Variants in SLC25A27 observed in about 807,000 individuals in gnomAD.
SLC25A27 encodes solute carrier family 25 member 27.
Under a neutral mutation model 49.1 loss-of-function variants are expected in SLC25A27, and 35 were observed. The ratio of observed to expected loss-of-function variants is 0.71; its 90% CI spans 0.54 to 0.95. The LOEUF is 0.95. SLC25A27 is among the 40% of genes least tolerant of loss of function. The pLI is 0.00. For synonymous variants in SLC25A27, 144 were observed against 136.9 expected, an observed-to-expected ratio of 1.05 and a Z score of -0.36; for missense variants, 339 against 397.1, an observed-to-expected ratio of 0.85 and a Z score of 1.24.
intron 8 of SLC25A27, 49 bp from the exon 9 acceptor site, chr6:46,676,334 T>A: frequency 6.4e-7 from 1 of 1,560,840 alleles, no homozygotes; most frequent in Non-Finnish European, 8.8e-7. Flanking sequence ...ATGTAGACTA[T>A]TTATAATTGC....
intron 5 of SLC25A27, 87 bp downstream of exon 5, chr6:46,664,973 T>A: frequency 1.7e-6 from 1 of 581,746 alleles, no homozygotes; most frequent in Non-Finnish European, 2.9e-6. Context: ...AATTTATGTT[T>A]TATTTTTAAT....
chr6:46,671,276 ACTTT>A, intron 8 of SLC25A27, 48 bp downstream of exon 8: 3 of 1,103,806 alleles, frequency 2.7e-6, no homozygotes, highest in Non-Finnish European at 3.9e-6. Context: ...TACTTAAATT[ACTTT>A]TAATTTATAA....
At chr6:46,661,733 G>C (rs753232344) in intron 3 of SLC25A27, among the ~76,000 whole-genome samples, 2 of 152,186 alleles carry the variant, frequency 1.3e-5, no homozygotes, top group Non-Finnish European at 2.9e-5. Context: ...CTGACAGAGA[G>C]AATGACAGCA....
Position 46,676,405 on chromosome 6 carries a change from G to A in SLC25A27, c.923G>A (p.Trp308Ter). Residue 308 changes from tryptophan to a stop codon, truncating the protein, a stop_gained, in exon 9 of 9, where the codon TGG (tryptophan) becomes TAG (stop). Transcript: ENST00000371347. LOFTEE classifies it high-confidence loss of function. ...LRMTPWSMVFWLTYEKIREMS... is the reference protein window; with the variant it reads ...LRMTPWSMVF The stretch of plus-strand genomic sequence containing the variant: ...CAGACCCCTTGGTCAATGGTGTTCT[G>A]GCTTACTTATGAAAAAATCAGAGAG... The A allele has an allele frequency of 6.2e-7, 1 of 1,613,874 alleles. No homozygotes were observed.
At chr6:46,655,439 T>C (rs1762939013) in intron 1 of SLC25A27, among the ~76,000 whole-genome samples, 1 of 151,796 alleles carries the variant, frequency 6.6e-6, no homozygotes, top group Admixed American at 6.6e-5. Flanking sequence ...TATTTCCCAT[T>C]GAAAAGCAAA....
intron 8 of SLC25A27, among the ~76,000 whole-genome samples, chr6:46,674,445 G>A (rs1763685456): frequency 6.6e-6 from 1 of 152,114 alleles, no homozygotes; most frequent in Non-Finnish European, 1.5e-5. Flanking sequence ...ACATCCTGCA[G>A]CTAGCTACAG....
At position 46,678,030 on chromosome 6, in the gene SLC25A27, T is replaced by TTATATA. The variant is rs67622673; in HGVS notation, c.*1606_*1611dup. ...CAATATGTAATTGCGTTGTAAAATA[T>TTATATA]TATATATATATATATATATATATAT... On this transcript the variant is annotated 3_prime_UTR_variant, in exon 9 of 9. Transcript: ENST00000371347. 6.4e-3 allele frequency: 638 copies of TTATATA among 100,470 alleles called. 32 individuals are homozygous for TTATATA. The highest frequency in any genetic ancestry group is 0.012 in the East Asian group (31 of 2,612). 6.2% of individuals were successfully genotyped at this position (100,470 alleles called of 1,614,324 possible).
Position 46,676,688 on chromosome 6 carries a change from CA to C in SLC25A27, c.*235del, listed in dbSNP as rs1763806090. The stretch of plus-strand genomic sequence containing the variant: ...CACAAGGCCATCCAATGAGACCCCG[CA>C]CAGCATTTTCTAAAGAAGAATCGAA... On this transcript the variant is annotated 3_prime_UTR_variant, in exon 9 of 9. Transcript: ENST00000371347. 2.6e-6 allele frequency: 4 copies of C among 1,550,376 alleles called. No homozygotes were observed. Among genetic ancestry groups the C allele is most frequent in the Non-Finnish European group, 3.5e-6 (4 of 1,146,812 alleles).
chr6:46,656,663 C>T (rs1225244454), intron 2 of SLC25A27, among the ~76,000 whole-genome samples: 2 of 152,184 alleles, frequency 1.3e-5, no homozygotes, highest in African/African-American at 4.8e-5. Flanking sequence ...AGGTGATCCA[C>T]CTGACTTGGC....
At chr6:46,662,572 A>G in intron 4 of SLC25A27, 74 bp downstream of exon 4, 3 of 1,483,360 alleles carry the variant, frequency 2.0e-6, no homozygotes, top group Non-Finnish European at 2.8e-6. Context: ...TACCTAATAG[A>G]ATTATCATCC....
At chr6:46,658,289 C>T (rs1195785105) in intron 2 of SLC25A27, among the ~76,000 whole-genome samples, 2 of 152,136 alleles carry the variant, frequency 1.3e-5, no homozygotes, top group Non-Finnish European at 2.9e-5. Context: ...TCAAGAAAAG[C>T]TCTCTATACA....
rs528722907 is a variant in SLC25A27 at position 46,655,895 on chromosome 6, A to C, written c.159A>C (p.Ala53=). The part of the protein sequence containing the change: ...TKTRLQMQGE[A]ALARLGDGAR... ...CTCGACTCCAAATGCAAGGAGAAGC[A>C]GCTCTTGCTCGGTTGGGAGACGGTG... The change falls in exon 2 of 9, where the codon GCA becomes GCC. Residue 53 remains alanine, a synonymous_variant. Transcript: ENST00000371347. The C allele has an allele frequency of 1.2e-6, 2 of 1,613,758 alleles. No individual in the cohort carries two copies. Among genetic ancestry groups the C allele is most frequent in the South Asian group, 2.2e-5 (2 of 91,046 alleles).
Position 46,668,746 on chromosome 6 carries a change from A to T in SLC25A27, c.657A>T (p.Val219=). Residue 219 remains valine, a synonymous_variant, in exon 6 of 9, where the codon GTA becomes GTT. Transcript: ENST00000371347. Reference sequence around the variant, plus strand: ...ATGATACAGTGAAACACTACTTGGTATTGAATACACCACTTGAGGACAATA... The same window carrying T: ...ATGATACAGTGAAACACTACTTGGTTTTGAATACACCACTTGAGGACAATA... ...TTYDTVKHYL[V]LNTPLEDNIM... is the part of the protein sequence containing the mutation. 6.2e-7 allele frequency: 1 copy of T among 1,610,408 alleles called. No individual in the cohort carries two copies. The highest frequency in any genetic ancestry group is 8.5e-7 in the Non-Finnish European group (1 of 1,176,800).
Position 46,653,140 on chromosome 6 carries a change from C to G in SLC25A27, c.-53C>G. 6.5e-7 allele frequency: 1 copy of G among 1,536,600 alleles called. No homozygotes were observed. Among genetic ancestry groups the G allele is most frequent in the Non-Finnish European group, 8.9e-7 (1 of 1,119,092 alleles). ...TGGCAGGGAAGCGGCCGCCGCGGCGCGGTGCAGCGCAGCGGCGAGAAGGAG... is the reference window on the plus strand; with the variant it reads ...TGGCAGGGAAGCGGCCGCCGCGGCGGGGTGCAGCGCAGCGGCGAGAAGGAG... On this transcript the variant is annotated 5_prime_UTR_variant, in exon 1 of 9. Coordinates refer to ENST00000371347, the MANE Select transcript of SLC25A27 (RefSeq NM_004277.5).
intron 2 of SLC25A27, among the ~76,000 whole-genome samples, chr6:46,656,679 A>G (rs1261441306): frequency 6.6e-6 from 1 of 152,184 alleles, no homozygotes; most frequent in African/African-American, 2.4e-5. Flanking sequence ...TTGGCCTCCC[A>G]AAGTGCTAGG....
chr6:46,671,118 CT>C lies in SLC25A27; in HGVS notation c.798-3del. On this transcript the variant is annotated splice_region_variant and splice_polypyrimidine_tract_variant and intron_variant, in intron 7 of 8. Coordinates refer to ENST00000371347, the MANE Select transcript of SLC25A27 (RefSeq NM_004277.5). ...AAAAAAATTAAAAGGATCTTGTTTC[CT>C]TTTTAGGGGACTTTTGTATAAATCA... is the stretch of plus-strand genomic sequence containing the variant. The C allele has an allele frequency of 1.3e-6, 2 of 1,562,622 alleles. No homozygotes were observed. Among genetic ancestry groups the C allele is most frequent in the Non-Finnish European group, 1.7e-6 (2 of 1,149,700 alleles).
At chr6:46,673,668 T>C (rs6908979) in intron 8 of SLC25A27, among the ~76,000 whole-genome samples, 5 of 152,188 alleles carry the variant, frequency 3.3e-5, no homozygotes, top group African/African-American at 7.2e-5. Flanking sequence ...GGTTGAAGAA[T>C]AGGTCCTCAT....
At chr6:46,675,424 T>C (rs545278096) in intron 8 of SLC25A27, among the ~76,000 whole-genome samples, 1 of 152,306 alleles carries the variant, frequency 6.6e-6, no homozygotes, top group East Asian at 1.9e-4. Context: ...TATGTCATCA[T>C]ACCTTTAAAT....
intron 8 of SLC25A27, among the ~76,000 whole-genome samples, chr6:46,672,401 T>A (rs1252915864): frequency 6.6e-6 from 1 of 152,006 alleles, no homozygotes; most frequent in East Asian, 1.9e-4. Flanking sequence ...GAAATATGCA[T>A]TTTTAGAAAA....
Sources: allele counts gnomAD v4.1 joint callset (sites outside exome capture counted in the v4.1 genomes callset), GRCh38; gene constraint gnomAD v4.1.1; transcripts MANE v1.5; gene names NCBI Gene and HGNC (gene_info 2026-07-23, HGNC 2026-07-21).